ALMS1: variants seen among roughly 807,000 people sequenced by gnomAD.
The protein encoded by ALMS1 is ALMS1 centrosome and basal body associated protein, also known as centrosome-associated protein ALMS1.
A neutral mutation model predicts 352.2 loss-of-function variants in ALMS1; 271 were observed. That is an observed-to-expected ratio of 0.77 (90% CI 0.70 to 0.85). The LOEUF (loss-of-function observed/expected upper bound fraction) is 0.85. ALMS1 is among the 40% of genes least tolerant of loss of function. The pLI is 0.00. For missense variants in ALMS1, 5,445 were observed against 4,870.7 expected (o/e 1.12, Z -3.51); for synonymous variants, 1,865 against 1,761.2 (o/e 1.06, Z -1.48).
intron 9 of ALMS1, among the ~76,000 whole-genome samples, chr2:73,467,117 C>A (rs201968878): frequency 2.0e-5 from 3 of 151,884 alleles, no homozygotes; most frequent in Non-Finnish European, 4.4e-5. Context: ...CAAAAATACA[C>A]TTCATAAAAG....
chr2:73,391,960 C>G (rs1459304045), intron 1 of ALMS1, among the ~76,000 whole-genome samples: 1 of 151,816 alleles, frequency 6.6e-6, no homozygotes, highest in Non-Finnish European at 1.5e-5. Flanking sequence ...GGTGGTTTTC[C>G]TAGGAAATCA....
At chr2:73,535,573 C>T (rs1337882425) in intron 12 of ALMS1, among the ~76,000 whole-genome samples, 1 of 152,186 alleles carries the variant, frequency 6.6e-6, no homozygotes, top group African/African-American at 2.4e-5. Flanking sequence ...ATAGCACTAT[C>T]TGATGTTGAC....
rs772090870 is a variant in ALMS1 at position 73,491,221 on chromosome 2, C to CAT, written c.9264_9265dup (p.Thr3089IlefsTer15). 1 of 1,614,140 alleles carries CAT rather than the reference C, an allele frequency of 6.2e-7. No homozygotes were observed. Among genetic ancestry groups the CAT allele is most frequent in the Admixed American group, 1.7e-5 (1 of 60,014 alleles). The stretch of plus-strand genomic sequence containing the variant: ...GAATAGTGAGTTTAACTTTGACTTA[C>CAT]ATACTGTATCTTCGAGATCACTGGA... On this transcript the variant is annotated frameshift_variant, in exon 10 of 23. Coordinates refer to ENST00000613296, the MANE Select transcript of ALMS1 (RefSeq NM_001378454.1). LOFTEE classifies it high-confidence loss of function.
At chr2:73,590,976 C>G (rs1016054424) in intron 16 of ALMS1, among the ~76,000 whole-genome samples, 2 of 151,830 alleles carry the variant, frequency 1.3e-5, no homozygotes, top group African/African-American at 4.8e-5. Flanking sequence ...GCGCCCGGCC[C>G]CTTTTTTTTC....
chr2:73,536,789 A>G (rs1020916709), intron 12 of ALMS1, among the ~76,000 whole-genome samples: 2 of 152,216 alleles, frequency 1.3e-5, no homozygotes, highest in Non-Finnish European at 2.9e-5. Flanking sequence ...GGAAACAGCC[A>G]TCCAAAGAAA....
intron 3 of ALMS1, among the ~76,000 whole-genome samples, chr2:73,420,881 A>G (rs1242932697): frequency 6.6e-6 from 1 of 152,186 alleles, no homozygotes; most frequent in Non-Finnish European, 1.5e-5. Context: ...GGCAAATGTA[A>G]TTGATGATGG....
At chr2:73,596,672 A>G (rs547424174) in intron 16 of ALMS1, among the ~76,000 whole-genome samples, 127 of 151,938 alleles carry the variant, frequency 8.4e-4, no homozygotes, top group South Asian at 1.5e-3. Flanking sequence ...GGGTTTCACC[A>G]TATTGGCCAG....
intron 9 of ALMS1, among the ~76,000 whole-genome samples, chr2:73,486,384 C>G (rs979294674): frequency 1.3e-5 from 2 of 152,186 alleles, no homozygotes; most frequent in African/African-American, 4.8e-5. Flanking sequence ...GGGTTCCTCA[C>G]TTGGCCTTTG....
Position 73,491,352 on chromosome 2 carries a change from T to A in ALMS1, c.9393T>A (p.Ser3131=). 6.2e-7 allele frequency: 1 copy of A among 1,614,198 alleles called. No individual in the cohort carries two copies. Among genetic ancestry groups the A allele is most frequent in the Non-Finnish European group, 8.5e-7 (1 of 1,180,014 alleles). The change falls in exon 10 of 23, where the codon TCT becomes TCA. Residue 3131 remains serine, a synonymous_variant. Transcript: ENST00000613296. The stretch of plus-strand genomic sequence containing the variant: ...TGGATTTCCAAGTCGTACAGCCTTC[T>A]CTTCCAGACAGTAACACTATTACTC... ...SSLDFQVVQP[S]LPDSNTITQD...
chr2:73,429,563 G>A (rs1671460814), intron 6 of ALMS1, among the ~76,000 whole-genome samples: 1 of 152,042 alleles, frequency 6.6e-6, no homozygotes, highest in Admixed American at 6.5e-5. Context: ...GGTTACAGGC[G>A]TGAGCCACCG....
intron 10 of ALMS1, among the ~76,000 whole-genome samples, chr2:73,494,541 A>G (rs907831562): frequency 7.2e-5 from 11 of 152,080 alleles, no homozygotes; most frequent in African/African-American, 2.7e-4. Context: ...TTTAGTTGTC[A>G]TGTCTTAGAC....
At chr2:73,416,976 C>A (rs1360444637) in intron 2 of ALMS1, among the ~76,000 whole-genome samples, 1 of 151,986 alleles carries the variant, frequency 6.6e-6, no homozygotes, top group African/African-American at 2.4e-5. Context: ...GCCAGTAGTC[C>A]CAGCTACTCA....
intron 9 of ALMS1, among the ~76,000 whole-genome samples, chr2:73,486,128 C>G (rs1200610098): frequency 6.6e-6 from 1 of 151,520 alleles, no homozygotes; most frequent in African/African-American, 2.4e-5. Context: ...ATTGGATTGT[C>G]TTTTTTTTCC....
intron 2 of ALMS1, 115 bp downstream of exon 2, chr2:73,408,862 GTCTTTT>G: frequency 1.7e-5 from 3 of 177,844 alleles, no homozygotes; most frequent in Non-Finnish European, 2.9e-5. Context: ...ATGTTTTCTT[GTCTTTT>G]TTTTTTTTTT....
intron 1 of ALMS1, among the ~76,000 whole-genome samples, chr2:73,407,225 G>C (rs984452968): frequency 2.6e-5 from 4 of 152,044 alleles, no homozygotes; most frequent in African/African-American, 9.7e-5. Context: ...AAAGCTACCA[G>C]TCCACTCTCA....
At chr2:73,547,338 T>C (rs1429396633) in intron 12 of ALMS1, among the ~76,000 whole-genome samples, 1 of 152,230 alleles carries the variant, frequency 6.6e-6, no homozygotes, top group Non-Finnish European at 1.5e-5. Flanking sequence ...TCAGGTTACT[T>C]ACCTGGTAAA....
At position 73,564,735 on chromosome 2, in the gene ALMS1, A is replaced by G. The variant is rs75231024; in HGVS notation, c.10384+5593A>G. On this transcript the variant is annotated intron_variant, in intron 15 of 22. Coordinates refer to ENST00000613296, the MANE Select transcript of ALMS1 (RefSeq NM_001378454.1). ...ATGAAAAATGTTAAAGGAAATTCCC[A>G]TGTAAAGTAGGCCTCCAGTGGGCTA... 4.4e-4 allele frequency among the ~76,000 whole-genome samples: 67 copies of G among 152,316 alleles called. No individual in the cohort carries two copies. The East Asian group carries it at 8.7e-3, about 20-fold the overall frequency.
chr2:73,466,308 A>C (rs964843661), intron 9 of ALMS1, among the ~76,000 whole-genome samples: 15 of 152,260 alleles, frequency 9.9e-5, no homozygotes, highest in African/African-American at 3.4e-4. Context: ...GCAGCCATAA[A>C]AAATGATGAG....
intron 9 of ALMS1, among the ~76,000 whole-genome samples, chr2:73,473,274 C>G (rs1331956388): frequency 6.6e-6 from 1 of 151,906 alleles, no homozygotes; most frequent in Non-Finnish European, 1.5e-5. Context: ...TTCCTATTAC[C>G]TTTTTTCTTT....
Sources: gnomAD v4.1 joint callset for allele counts (sites outside exome capture counted in the v4.1 genomes callset) on GRCh38, gnomAD v4.1.1 for gene constraint, MANE v1.5 for transcripts, NCBI Gene and HGNC (gene_info 2026-07-23, HGNC 2026-07-21) for gene names.